CEP68: variants seen among roughly 807,000 people sequenced by gnomAD.
CEP68 encodes the protein centrosomal protein of 68 kDa.
CEP68 carries 26 observed loss-of-function variants against 55.3 expected under a neutral mutation model. The observed-to-expected ratio is 0.47, with a 90% CI of 0.34 to 0.65. CEP68 has a LOEUF of 0.65. Ranked by LOEUF, CEP68 falls within the 30% of genes least tolerant of loss-of-function variation. The pLI, the probability that CEP68 is intolerant of heterozygous loss-of-function variation, is 0.01. For synonymous variants in CEP68, 402 were observed against 383.2 expected, an observed-to-expected ratio of 1.05 and a Z score of -0.57; for missense variants, 957 against 946.7, an observed-to-expected ratio of 1.01 and a Z score of -0.14.
At chr2:65,063,992 A>G (rs553393312) in intron 1 of CEP68, among the ~76,000 whole-genome samples, 40 of 152,298 alleles carry the variant, frequency 2.6e-4, no homozygotes, top group African/African-American at 9.1e-4. Flanking sequence ...AGGGGGGAAA[A>G]GCATGATTTG....
intron 1 of CEP68, among the ~76,000 whole-genome samples, chr2:65,060,678 T>C (rs148691874): frequency 2.0e-4 from 30 of 152,358 alleles, no homozygotes; most frequent in African/African-American, 6.5e-4. Context: ...ACTTTTGTTA[T>C]AAGGAAGGTG....
rs149863693 is a variant in CEP68, at chr2:65,072,437, G to T, written c.1341G>T (p.Ser447=). 3.1e-6 allele frequency: 5 copies of T among 1,613,970 alleles called. No individual in the cohort carries two copies. Among genetic ancestry groups the T allele is most frequent in the Non-Finnish European group, 4.2e-6 (5 of 1,180,006 alleles). The change falls in exon 3 of 7, where the codon TCG becomes TCT. Residue 447 remains serine (S), a synonymous_variant. Transcript: ENST00000377990. ...GGACACGGGACAGAGGGTGGCCCTC[G>T]CCCAGGCCAGAGAGGGAGAAGAGGA... The part of the protein sequence containing the change: ...QLRTRDRGWP[S]PRPEREKRTS...
intron 1 of CEP68, among the ~76,000 whole-genome samples, chr2:65,062,691 A>G (rs2540945): frequency 0.4 from 60,718 of 151,548 alleles, 12,465 homozygotes; most frequent in Middle Eastern, 0.49. Flanking sequence ...CAAAAAATGA[A>G]CCACGCATGG....
intron 1 of CEP68, among the ~76,000 whole-genome samples, chr2:65,058,488 AT>A (rs1675755938): frequency 1.2e-5 from 1 of 83,714 alleles, no homozygotes; most frequent in African/African-American, 4.6e-5. Flanking sequence ...CCGATGGCTG[AT>A]TTTTTTCCTT....
intron 1 of CEP68, among the ~76,000 whole-genome samples, chr2:65,060,463 C>CCCAT (rs59504694): frequency 0.1 from 15,732 of 152,104 alleles, 905 homozygotes; most frequent in Middle Eastern, 0.14. Context: ...GGCACAGTGG[C>CCCAT]CCATACCTGT....
At position 65,071,490 on chromosome 2, in the gene CEP68, C is replaced by T. The variant is rs1196200237; in HGVS notation, c.394C>T (p.Pro132Ser). 4 of 1,614,032 alleles carry T rather than the reference C, an allele frequency of 2.5e-6. No individual in the cohort carries two copies. The highest frequency in any genetic ancestry group is 1.1e-5 in the South Asian group (1 of 91,074). The part of the protein sequence containing the change: ...KTKLSSSEEF[P>S]QTLSLPRTTT... The stretch of plus-strand genomic sequence containing the variant: ...CAAGCTTTCTTCCTCCGAGGAGTTC[C>T]CTCAGACTCTGAGCCTTCCCAGAAC... Residue 132 changes from proline to serine, a missense_variant, in exon 3 of 7, where the codon CCT (proline) becomes TCT (serine). Pro to Ser is a moderately conservative substitution (Grantham distance 74, BLOSUM62 -1). Transcript: ENST00000377990.
At chr2:65,065,499 C>T (rs1481781449) in intron 1 of CEP68, among the ~76,000 whole-genome samples, 2 of 152,176 alleles carry the variant, frequency 1.3e-5, no homozygotes, top group South Asian at 2.1e-4. Context: ...CTTGAAAGGA[C>T]ATATAACGAA....
At chr2:65,066,767 T>TAC (rs1410492650) in intron 1 of CEP68, among the ~76,000 whole-genome samples, 25 of 69,452 alleles carry the variant, frequency 3.6e-4, no homozygotes, top group African/African-American at 5.8e-4. Flanking sequence ...TATATATATA[T>TAC]ACACACACAA....
At chr2:65,057,460 C>G (rs1675686210) in intron 1 of CEP68, among the ~76,000 whole-genome samples, 1 of 152,208 alleles carries the variant, frequency 6.6e-6, no homozygotes, top group East Asian at 1.9e-4. Flanking sequence ...TAGAAAACAA[C>G]AACAACAAAA....
chr2:65,082,426 CCTA>C, intron 5 of CEP68, 107 bp from the exon 6 acceptor site: 1 of 917,468 alleles, frequency 1.1e-6, no homozygotes, highest in Non-Finnish European at 1.5e-6. Context: ...ACTGCCAGGT[CCTA>C]CTTTGTGTAA....
intron 5 of CEP68, chr2:65,080,398 T>A (rs895195933): frequency 8.1e-6 from 8 of 985,234 alleles, no homozygotes; most frequent in African/African-American, 1.7e-5. Context: ...GGTGCAAAAC[T>A]TAACTTTTCT....
In CEP68 at chr2:65,069,595, C is replaced by T. The variant is rs761154745; in HGVS notation, c.151C>T (p.Leu51Phe). 1.2e-6 allele frequency: 2 copies of T among 1,613,952 alleles called. No homozygotes were observed. The highest frequency in any genetic ancestry group is 2.2e-5 in the South Asian group (2 of 91,086). Reference protein sequence around the residue: ...QPPRLEAEGGLISPVWGAEGI... With the variant: ...QPPRLEAEGGFISPVWGAEGI... Reference sequence around the variant, plus strand: ...CCCACGCCTGGAAGCTGAGGGAGGGCTCATCTCCCCTGTATGGGGGGCAGA... The same window carrying T: ...CCCACGCCTGGAAGCTGAGGGAGGGTTCATCTCCCCTGTATGGGGGGCAGA... The change falls in exon 2 of 7, where the codon CTC (leucine) becomes TTC (phenylalanine). Residue 51 changes from leucine (L) to phenylalanine (F), a missense_variant. Coordinates refer to ENST00000377990, the MANE Select transcript of CEP68 (RefSeq NM_015147.3).
rs776236060 is a variant in CEP68 at position 65,072,818 on chromosome 2, G to A, written c.1722G>A (p.Leu574=). Residue 574 remains leucine, a synonymous_variant, in exon 3 of 7, where the codon CTG becomes CTA. Transcript: ENST00000377990. ...RAHDSAGEGS[L]GSSQALGVSS... ...ACGACTCCGCAGGGGAAGGCAGTCT[G>A]GGGAGCAGCCAGGCCCTCGGGGTCT... 1 of 1,614,178 alleles carries A rather than the reference G, an allele frequency of 6.2e-7. No individual in the cohort carries two copies. The highest frequency in any genetic ancestry group is 1.1e-5 in the South Asian group (1 of 91,088).
chr2:65,067,033 A>T (rs989824557), intron 1 of CEP68, among the ~76,000 whole-genome samples: 1 of 151,750 alleles, frequency 6.6e-6, no homozygotes, highest in African/African-American at 2.4e-5. Flanking sequence ...AAAGAAAACC[A>T]AGGTTCTGAA....
At chr2:65,073,718 G>A (rs1266487937) in intron 3 of CEP68, 2 of 160,880 alleles carry the variant, frequency 1.2e-5, no homozygotes, top group African/African-American at 4.8e-5. Context: ...GAAGGTTCAG[G>A]AATGTGCCTG....
chr2:65,057,255 G>C (rs771234424), intron 1 of CEP68, among the ~76,000 whole-genome samples: 11 of 152,252 alleles, frequency 7.2e-5, no homozygotes, highest in Non-Finnish European at 1.6e-4. Context: ...TCAGGACCAC[G>C]AAGGGAGGTA....
intron 1 of CEP68, among the ~76,000 whole-genome samples, chr2:65,063,083 T>G (rs1558554842): frequency 6.6e-6 from 1 of 152,212 alleles, no homozygotes; most frequent in African/African-American, 2.4e-5. Flanking sequence ...GGCTTAGAGT[T>G]TGTGTTACCA....
chr2:65,076,577 G>A (rs533933714), intron 4 of CEP68, among the ~76,000 whole-genome samples: 7 of 152,216 alleles, frequency 4.6e-5, no homozygotes, highest in Non-Finnish European at 2.9e-5. Flanking sequence ...TAGTATAAGC[G>A]AGCGTGTCTG....
intron 1 of CEP68, among the ~76,000 whole-genome samples, chr2:65,064,091 C>T (rs1676038040): frequency 6.6e-6 from 1 of 152,134 alleles, no homozygotes; most frequent in Non-Finnish European, 1.5e-5. Context: ...CGTACAATTT[C>T]CTTGAAAATC....
Sources: allele counts gnomAD v4.1 joint callset (sites outside exome capture counted in the v4.1 genomes callset), GRCh38; gene constraint gnomAD v4.1.1; transcripts MANE v1.5; gene names NCBI Gene and HGNC (gene_info 2026-07-23, HGNC 2026-07-21).